SCN1A: variants seen among roughly 807,000 people sequenced by gnomAD.
SCN1A encodes sodium voltage-gated channel alpha subunit 1, also known as sodium channel protein type 1 subunit alpha.
In SCN1A, 13 loss-of-function variants were observed where a neutral mutation model predicts 193.7. That is an observed-to-expected ratio of 0.07 (90% CI 0.04 to 0.11). SCN1A has a LOEUF of 0.11. Among genes scored for constraint, SCN1A ranks in the 10% least tolerant of loss-of-function variants. SCN1A has a pLI of 1.00. For synonymous variants in SCN1A, 781 were observed against 843.6 expected, an observed-to-expected ratio of 0.93 and a Z score of 1.29; for missense variants, 1,432 against 2,451.1, an observed-to-expected ratio of 0.58 and a Z score of 8.78.
chr2:166,088,679 A>G (rs1686418179), intron 2 of SCN1A, among the ~76,000 whole-genome samples: 2 of 152,136 alleles, frequency 1.3e-5, no homozygotes, highest in Admixed American at 1.3e-4. Context: ...GCTACCCTAC[A>G]TTCACCCCCA....
chr2:166,127,219 T>C (rs1574626880), intron 1 of SCN1A, among the ~76,000 whole-genome samples: 1 of 152,282 alleles, frequency 6.6e-6, no homozygotes, highest in East Asian at 1.9e-4. Context: ...TGCCCCTTCC[T>C]TGTTCAAGGC....
chr2:165,992,515 G>T lies in SCN1A; in HGVS notation c.4853-93C>A. The T allele has an allele frequency of 7.8e-7, 1 of 1,274,050 alleles. No homozygotes were observed. Among genetic ancestry groups the T allele is most frequent in the Non-Finnish European group, 1.1e-6 (1 of 879,670 alleles). The allele number at this position is 1,274,050 out of a possible 1,614,324, so 78.9% of individuals were successfully genotyped here. On this transcript the variant is annotated intron_variant, in intron 28 of 28. Transcript: ENST00000674923. The surrounding 1 kb of genome is among the most constrained non-coding windows in gnomAD (Gnocchi z 6.5). ...CTAAAGCTCCAAGGTAAGGTTCAGAGTCCTGAACCCAGTTATATTAAATAT... is the reference window on the plus strand; with the variant it reads ...CTAAAGCTCCAAGGTAAGGTTCAGATTCCTGAACCCAGTTATATTAAATAT...
intron 4 of SCN1A, among the ~76,000 whole-genome samples, chr2:166,072,837 C>CTT (rs796420549): frequency 0.12 from 14,826 of 119,264 alleles, 1,188 homozygotes; most frequent in East Asian, 0.28. Flanking sequence ...TCTCTTCTTT[C>CTT]TTTTTTTTTT....
At chr2:166,016,235 A>G (rs940834007) in intron 19 of SCN1A, 5 of 160,182 alleles carry the variant, frequency 3.1e-5, no homozygotes, top group Admixed American at 1.2e-4. Context: ...GTTCAGAGTT[A>G]TTTACTATAA....
chr2:165,996,781 C>T (rs1207544790), intron 26 of SCN1A, among the ~76,000 whole-genome samples: 3 of 151,272 alleles, frequency 2.0e-5, no homozygotes, highest in African/African-American at 7.3e-5. Flanking sequence ...GGAGAATGTT[C>T]TGTAGTCTAA....
chr2:166,077,162 T>C (rs779769208), intron 3 of SCN1A: 4 of 151,772 alleles, frequency 2.6e-5, no homozygotes, highest in Non-Finnish European at 4.4e-5. Flanking sequence ...GGTGATGACT[T>C]TTTAGATATA....
At chr2:166,017,113 C>T (rs1693412829) in intron 19 of SCN1A, among the ~76,000 whole-genome samples, 2 of 151,016 alleles carry the variant, frequency 1.3e-5, no homozygotes, top group Non-Finnish European at 3.0e-5. Flanking sequence ...TCTGTCATAG[C>T]TCTGTGAATT....
At chr2:166,137,297 A>C (rs1377061544) in intron 1 of SCN1A, among the ~76,000 whole-genome samples, 3 of 152,226 alleles carry the variant, frequency 2.0e-5, no homozygotes, top group Non-Finnish European at 4.4e-5. Flanking sequence ...TTATGATAAA[A>C]GATTCTATTT....
chr2:166,002,498 A>G lies in SCN1A; in HGVS notation c.4258T>C (p.Phe1420Leu). Residue 1420 changes from phenylalanine to leucine, a missense_variant, in exon 24 of 29, where the codon TTT (phenylalanine) becomes CTT (leucine). By Grantham distance (22) the Phe-to-Leu change is conservative. Coordinates refer to ENST00000674923, the MANE Select transcript of SCN1A (RefSeq NM_001165963.4). ...NVKVNFDNVG[F>L]GYLSLLQVAT... Reference sequence around the variant, plus strand: ...ACTTGAAGCAAAGAGAGATACCCAAATCCTACATTATCAAAGTTTACTTTC... The same window carrying G: ...ACTTGAAGCAAAGAGAGATACCCAAGTCCTACATTATCAAAGTTTACTTTC... 1 of 1,611,416 alleles carries G rather than the reference A, an allele frequency of 6.2e-7. No individual in the cohort carries two copies. Among genetic ancestry groups the G allele is most frequent in the Non-Finnish European group, 8.5e-7 (1 of 1,178,464 alleles).
intron 17 of SCN1A, 48 bp downstream of exon 17, chr2:166,039,375 A>G: frequency 6.3e-7 from 1 of 1,583,448 alleles, no homozygotes. Flanking sequence ...AAGAACCCTG[A>G]TTGTTAGAAA....
At chr2:165,995,154 C>A (rs1376731957) in intron 27 of SCN1A, among the ~76,000 whole-genome samples, 1 of 151,828 alleles carries the variant, frequency 6.6e-6, no homozygotes, top group African/African-American at 2.4e-5. Context: ...CTGAGGAATT[C>A]TGAGGGAATT....
At chr2:165,993,216 AG>A (rs1689525666) in intron 28 of SCN1A, 2 of 83,024 alleles carry the variant, frequency 2.4e-5, no homozygotes, top group Non-Finnish European at 6.1e-5. Context: ...TGTGTGAGAG[AG>A]AGAGAGAGAG....
chr2:166,100,642 C>G, intron 2 of SCN1A, among the ~76,000 whole-genome samples: 1 of 147,942 alleles, frequency 6.8e-6, no homozygotes, highest in Non-Finnish European at 1.5e-5. Flanking sequence ...CCAGAATCTA[C>G]AATGAACTCA....
chr2:166,093,536 G>A (rs1687053159), intron 2 of SCN1A, among the ~76,000 whole-genome samples: 1 of 151,928 alleles, frequency 6.6e-6, no homozygotes, highest in Non-Finnish European at 1.5e-5. Context: ...GCAGAGATGG[G>A]GTTTCACCGT....
intron 23 of SCN1A, among the ~76,000 whole-genome samples, chr2:166,006,113 A>G (rs1022787823): frequency 1.3e-5 from 2 of 151,360 alleles, no homozygotes; most frequent in East Asian, 1.9e-4. Context: ...TTGAACTTCA[A>G]ATCAACACTA....
chr2:166,058,541 GTTAATA>G (rs755103881), intron 5 of SCN1A, 23 bp downstream of exon 5: 7 of 1,241,758 alleles, frequency 5.6e-6, no homozygotes, highest in Non-Finnish European at 8.3e-6. Flanking sequence ...TGTACAAATA[GTTAATA>G]TTAATCACTT....
At chr2:166,053,153 T>C (rs1030664053) in intron 7 of SCN1A, 103 of 1,000,306 alleles carry the variant, frequency 1.0e-4, no homozygotes, top group Admixed American at 1.4e-4. Context: ...ATCAGAATTA[T>C]TCAAGATTTT....
At chr2:166,023,969 G>T (rs1176305072) in intron 19 of SCN1A, among the ~76,000 whole-genome samples, 1 of 151,930 alleles carries the variant, frequency 6.6e-6, no homozygotes, top group Non-Finnish European at 1.5e-5. Context: ...TAGAGACAGG[G>T]TTTCACCATG....
At chr2:166,102,175 A>C (rs892708068) in intron 2 of SCN1A, among the ~76,000 whole-genome samples, 3 of 152,230 alleles carry the variant, frequency 2.0e-5, no homozygotes, top group Non-Finnish European at 4.4e-5. Flanking sequence ...ATGAGATACC[A>C]TCTCACACCA....
Sources: allele counts gnomAD v4.1 joint callset (sites outside exome capture counted in the v4.1 genomes callset), GRCh38; gene constraint gnomAD v4.1.1; non-coding constraint Gnocchi (gnomAD v3.1); transcripts MANE v1.5; gene names NCBI Gene and HGNC (gene_info 2026-07-23, HGNC 2026-07-21).